Variants in NLRP9 observed in about 807,000 individuals in gnomAD.
NLRP9 encodes the protein NLR family pyrin domain containing 9, also known as NACHT, LRR and PYD domains-containing protein 9.
NLRP9 carries 88 observed loss-of-function variants against 83.1 expected under a neutral mutation model. The ratio of observed to expected loss-of-function variants is 1.06; its 90% CI spans 0.89 to 1.26. NLRP9 has a LOEUF of 1.26. NLRP9 is among the 50% of genes most tolerant of loss of function. The pLI, the probability that NLRP9 is intolerant of heterozygous loss-of-function variation, is 0.00. For missense variants in NLRP9, 1,308 were observed against 1,179.3 expected (o/e 1.11, Z -1.60); for synonymous variants, 521 against 447.6 (o/e 1.16, Z -2.07).
chr19:55,728,838 T>C (rs1454601817), intron 3 of NLRP9, among the ~76,000 whole-genome samples: 1 of 152,046 alleles, frequency 6.6e-6, no homozygotes, highest in Non-Finnish European at 1.5e-5. Flanking sequence ...AAGCAGTAAG[T>C]TTGCTTACAG....
chr19:55,723,534 C>T lies in NLRP9; in HGVS notation c.2159+446G>A, dbSNP rs781190134. Among the ~76,000 whole-genome samples, 21 of 151,750 alleles carry T rather than the reference C, an allele frequency of 1.4e-4. No individual in the cohort carries two copies. In the South Asian group the frequency reaches 1.5e-3, roughly 11 times the overall value. ...TTGAGACCACGAGTGCAAGATCAGC[C>T]GGGGCAATATGGTGAAACCCCATCT... On this transcript the variant is annotated intron_variant, in intron 4 of 8. Coordinates refer to ENST00000332836, the MANE Select transcript of NLRP9 (RefSeq NM_176820.4).
At chr19:55,727,246 T>C (rs1483879305) in intron 3 of NLRP9, among the ~76,000 whole-genome samples, 1 of 151,880 alleles carries the variant, frequency 6.6e-6, no homozygotes, top group Non-Finnish European at 1.5e-5. Context: ...AGACTCCATC[T>C]CAAAAAAAGT....
intron 4 of NLRP9, among the ~76,000 whole-genome samples, chr19:55,719,307 C>G (rs1988143789): frequency 6.6e-6 from 1 of 152,166 alleles, no homozygotes; most frequent in Admixed American, 6.5e-5. Context: ...CACCTGCCAC[C>G]ACACCCGGCT....
chr19:55,737,550 C>T (rs1396905767), intron 1 of NLRP9: 1 of 154,382 alleles, frequency 6.5e-6, no homozygotes, highest in Non-Finnish European at 1.4e-5. Context: ...GTACCCGGGA[C>T]ATACGCTGTC....
chr19:55,710,522 A>G (rs575419214), intron 8 of NLRP9, among the ~76,000 whole-genome samples: 2 of 152,202 alleles, frequency 1.3e-5, no homozygotes, highest in South Asian at 4.1e-4. Context: ...AGGTGACTGG[A>G]TCATGGGGGT....
At position 55,708,659 on chromosome 19, in the gene NLRP9, C is replaced by T. The variant is rs537400519; in HGVS notation, c.*253G>A. 4.3e-4 allele frequency: 139 copies of T among 322,984 alleles called. No homozygotes were observed. Among genetic ancestry groups the T allele is most frequent in the African/African-American group, 2.6e-3 (122 of 46,978 alleles). 20.0% of individuals were successfully genotyped at this position (322,984 alleles called of 1,614,324 possible). A position where few individuals can be genotyped will look rare whatever the true frequency, so the allele number is the denominator to read the frequency against. Reference sequence around the variant, plus strand: ...TCCAGAGCGTTTAGCACTTGTTTAACGTACTTGTGCTTCTAAATATCACAA... The same window carrying T: ...TCCAGAGCGTTTAGCACTTGTTTAATGTACTTGTGCTTCTAAATATCACAA... On this transcript the variant is annotated 3_prime_UTR_variant, in exon 9 of 9. Transcript: ENST00000332836.
intron 4 of NLRP9, among the ~76,000 whole-genome samples, chr19:55,717,334 C>T (rs1479544779): frequency 2.0e-5 from 3 of 152,136 alleles, no homozygotes; most frequent in Admixed American, 2.0e-4. Context: ...CGCCCGGCCA[C>T]ATTACAAACT....
At chr19:55,712,659 A>G in intron 6 of NLRP9, 69 bp from the exon 7 acceptor site, 1 of 1,340,304 alleles carries the variant, frequency 7.5e-7, no homozygotes, top group Non-Finnish European at 1.0e-6. Flanking sequence ...CCTTATTTTC[A>G]TTTATTCATA....
intron 8 of NLRP9, among the ~76,000 whole-genome samples, chr19:55,710,075 G>C (rs922608881): frequency 6.6e-6 from 1 of 152,206 alleles, no homozygotes; most frequent in Non-Finnish European, 1.5e-5. Flanking sequence ...TAAATCTTCA[G>C]AGGTAGGGAA....
At chr19:55,709,997 G>A (rs1184307596) in intron 8 of NLRP9, 1 of 152,186 alleles carries the variant, frequency 6.6e-6, no homozygotes, top group African/African-American at 2.4e-5. Context: ...ATAAAAAGAA[G>A]TTGAGGAGGA....
chr19:55,726,133 A>G (rs1252243741), intron 3 of NLRP9, among the ~76,000 whole-genome samples: 5 of 152,182 alleles, frequency 3.3e-5, no homozygotes, highest in African/African-American at 1.2e-4. Flanking sequence ...CCAAGCCACC[A>G]CACCACATTC....
intron 1 of NLRP9, among the ~76,000 whole-genome samples, chr19:55,736,006 T>C (rs1054438826): frequency 6.6e-6 from 1 of 152,136 alleles, no homozygotes; most frequent in African/African-American, 2.4e-5. Flanking sequence ...TGCTATTTAA[T>C]TGAATGGATT....
In NLRP9 at chr19:55,714,703, G is replaced by C. The variant is rs369306065; in HGVS notation, c.2501+352C>G. Among the ~76,000 whole-genome samples, 35 of 152,220 alleles carry C rather than the reference G, an allele frequency of 2.3e-4. No homozygotes were observed. In the East Asian group the frequency reaches 6.0e-3, roughly 26 times the overall value. On this transcript the variant is annotated intron_variant, in intron 6 of 8. Transcript: ENST00000332836. ...AGACAACAGAAATGTATTTCTCACAGTTCTGGAGCCGGGAAGTCCAAGATC... is the reference window on the plus strand; with the variant it reads ...AGACAACAGAAATGTATTTCTCACACTTCTGGAGCCGGGAAGTCCAAGATC...
In NLRP9 at chr19:55,733,538, G is replaced by C. The variant is rs767552477; in HGVS notation, c.293C>G (p.Pro98Arg). 1 of 1,572,480 alleles carries C rather than the reference G, an allele frequency of 6.4e-7. No homozygotes were observed. The highest frequency in any genetic ancestry group is 1.8e-5 in the Admixed American group (1 of 54,692). ...TGTTTCCTTCATATGCTTTCTGTAT[G>C]GGTTTAGCTTATCTGTGTTAATGAG... Reference protein sequence around the residue: ...AQEEMRNKLNPYRKHMKETFQ... With the variant: ...AQEEMRNKLNRYRKHMKETFQ... Residue 98 changes from proline to arginine, a missense_variant, in exon 2 of 9, where the codon CCA becomes CGA. Transcript: ENST00000332836.
Position 55,715,106 on chromosome 19 carries a change from G to C in NLRP9, c.2450C>G (p.Ala817Gly). 1 of 1,613,084 alleles carries C rather than the reference G, an allele frequency of 6.2e-7. No individual in the cohort carries two copies. Among genetic ancestry groups the C allele is most frequent in the Non-Finnish European group, 8.5e-7 (1 of 1,179,854 alleles). Residue 817 changes from alanine (A) to glycine (G), a missense_variant, in exon 6 of 9, where the codon GCA (alanine) becomes GGA (glycine). Ala to Gly is a moderately conservative substitution (Grantham distance 60). Coordinates refer to ENST00000332836, the MANE Select transcript of NLRP9 (RefSeq NM_176820.4). Reference protein sequence around the residue: ...GSNALEDNGVASLCAALKHPG... With the variant: ...GSNALEDNGVGSLCAALKHPG... Reference sequence around the variant, plus strand: ...GTGCTTCAGCGCTGCACACAGAGATGCCACTCCATTATCTTCCAGGGCATT... The same window carrying C: ...GTGCTTCAGCGCTGCACACAGAGATCCCACTCCATTATCTTCCAGGGCATT...
intron 5 of NLRP9, among the ~76,000 whole-genome samples, chr19:55,716,179 C>A (rs1299866208): frequency 1.3e-5 from 2 of 151,310 alleles, no homozygotes; most frequent in Non-Finnish European, 2.9e-5. Flanking sequence ...TTATAGTAAT[C>A]ATTTTACAGT....
intron 1 of NLRP9, among the ~76,000 whole-genome samples, chr19:55,735,624 A>G (rs532352419): frequency 6.6e-6 from 1 of 152,188 alleles, no homozygotes; most frequent in African/African-American, 2.4e-5. Context: ...ACTGAACAAT[A>G]TATTATGGAC....
intron 4 of NLRP9, among the ~76,000 whole-genome samples, 196 bp downstream of exon 4, chr19:55,723,784 C>T (rs375493035): frequency 6.1e-5 from 9 of 148,690 alleles, no homozygotes; most frequent in Middle Eastern, 3.6e-3. Flanking sequence ...GATGGGAAGG[C>T]GGAAACAAAC....
intron 4 of NLRP9, among the ~76,000 whole-genome samples, chr19:55,718,186 C>G (rs907874543): frequency 6.6e-6 from 1 of 152,150 alleles, no homozygotes; most frequent in Non-Finnish European, 1.5e-5. Flanking sequence ...CAATGCACTG[C>G]GGAAAGCCGC....
Sources: gnomAD v4.1 joint callset for allele counts (sites outside exome capture counted in the v4.1 genomes callset) on GRCh38, gnomAD v4.1.1 for gene constraint, MANE v1.5 for transcripts, NCBI Gene and HGNC (gene_info 2026-07-23, HGNC 2026-07-21) for gene names.